The following CEP135 variants were observed in gnomAD, a reference collection of about 807,000 sequenced individuals.
CEP135 encodes the protein centrosomal protein of 135 kDa.
In CEP135, 142 loss-of-function variants were observed where a neutral mutation model predicts 157.3. The ratio of observed to expected loss-of-function variants is 0.90; its 90% CI spans 0.79 to 1.04. The LOEUF (loss-of-function observed/expected upper bound fraction) is 1.04, where lower values mean the gene tolerates loss of function less well. CEP135 is among the 50% of genes least tolerant of loss of function. The pLI, the probability that CEP135 is intolerant of heterozygous loss-of-function variation, is 0.00. For missense variants in CEP135, 1,317 were observed against 1,309.2 expected, an observed-to-expected ratio of 1.01 and a Z score of -0.09; for synonymous variants, 396 against 439.8, an observed-to-expected ratio of 0.90 and a Z score of 1.25.
intron 2 of CEP135, 122 bp downstream of exon 2, chr4:55,952,365 C>T: frequency 1.6e-6 from 1 of 636,272 alleles, no homozygotes; most frequent in Non-Finnish European, 2.8e-6. Flanking sequence ...AATCATGAAG[C>T]TTATCTGTTT....
chr4:55,957,159 A>AATATTTAAT, intron 4 of CEP135, 64 bp from the exon 5 acceptor site: 1 of 1,552,316 alleles, frequency 6.4e-7, no homozygotes, highest in Non-Finnish European at 8.8e-7. Context: ...GCTAACCTGG[A>AATATTTAAT]ATATTTAATT....
rs979439937 is a variant in CEP135 at position 55,985,280 on chromosome 4, G to C, written c.1780-1G>C. 1 of 1,525,796 alleles carries C rather than the reference G, an allele frequency of 6.6e-7. No homozygotes were observed. The highest frequency in any genetic ancestry group is 1.4e-5 in the African/African-American group (1 of 72,886). 94.5% of individuals were successfully genotyped at this position (1,525,796 alleles called of 1,614,324 possible). On this transcript the variant is annotated splice_acceptor_variant, in intron 13 of 25. Transcript: ENST00000257287. LOFTEE classifies it high-confidence loss of function. ...ACATTTTCTTTAACATTCTTTTTCA[G>C]CATATTGAAGAAGTGAGTCTTTTTG...
intron 6 of CEP135, among the ~76,000 whole-genome samples, chr4:55,962,515 C>CT (rs1011743430): frequency 6.6e-6 from 1 of 152,230 alleles, no homozygotes; most frequent in Non-Finnish European, 1.5e-5. Context: ...TCTCCACCTC[C>CT]TGCTCACTCC....
intron 14 of CEP135, among the ~76,000 whole-genome samples, chr4:55,987,339 T>C (rs1191235562): frequency 6.6e-6 from 1 of 152,132 alleles, no homozygotes; most frequent in Non-Finnish European, 1.5e-5. Flanking sequence ...ACTTAAAGGG[T>C]ACCCTTTATA....
intron 17 of CEP135, 91 bp from the exon 18 acceptor site, chr4:56,008,236 T>C (rs1320032505): frequency 1.2e-6 from 1 of 856,412 alleles, no homozygotes; most frequent in East Asian, 2.5e-5. Context: ...AATTGAGCTG[T>C]GTATTTGAAC....
At chr4:55,955,849 A>G (rs1728486105) in intron 4 of CEP135, among the ~76,000 whole-genome samples, 2 of 152,196 alleles carry the variant, frequency 1.3e-5, no homozygotes, top group East Asian at 3.8e-4. Context: ...AATTTTTGGC[A>G]AACAGTGGGA....
chr4:55,961,834 T>C (rs915717994), intron 6 of CEP135, among the ~76,000 whole-genome samples: 2 of 149,644 alleles, frequency 1.3e-5, no homozygotes, highest in Non-Finnish European at 3.0e-5. Context: ...CAACTTTCTA[T>C]CTCTACCTTT....
Position 55,965,618 on chromosome 4 carries a change from C to A in CEP135, c.829-26C>A, listed in dbSNP as rs374201582. 7.7e-5 allele frequency: 116 copies of A among 1,511,568 alleles called. No individual in the cohort carries two copies. The Middle Eastern group carries it at 1.1e-3, about 14-fold the overall frequency. 93.6% of individuals were successfully genotyped at this position (1,511,568 alleles called of 1,614,324 possible). On this transcript the variant is annotated intron_variant, in intron 7 of 25. Transcript: ENST00000257287. ...TTAGGATAATTTTCCAATTCATATA[C>A]CTCATAAATTACAACTCCAATTTAG...
At chr4:55,975,040 T>A in intron 11 of CEP135, 71 bp downstream of exon 11, 1 of 1,105,044 alleles carries the variant, frequency 9.0e-7, no homozygotes, top group Non-Finnish European at 1.3e-6. Context: ...ATTATTATAT[T>A]AAATGTAACT....
At chr4:55,963,205 A>G (rs910562523) in intron 6 of CEP135, among the ~76,000 whole-genome samples, 1 of 152,076 alleles carries the variant, frequency 6.6e-6, no homozygotes, top group Non-Finnish European at 1.5e-5. Flanking sequence ...TATTTTAGTT[A>G]TTAATTGTTT....
chr4:55,971,168 G>A (rs1433696971), intron 9 of CEP135, 102 bp from the exon 10 acceptor site: 2 of 806,704 alleles, frequency 2.5e-6, no homozygotes, highest in African/African-American at 1.8e-5. Flanking sequence ...ACACGTATAT[G>A]TAAATTGCTG....
intron 25 of CEP135, among the ~76,000 whole-genome samples, chr4:56,028,629 T>C (rs1340228117): frequency 6.6e-6 from 1 of 152,118 alleles, no homozygotes; most frequent in Non-Finnish European, 1.5e-5. Flanking sequence ...AAAAATGAAT[T>C]GCTCAACTAT....
At chr4:55,974,581 C>T (rs1480653717) in intron 10 of CEP135, among the ~76,000 whole-genome samples, 165 bp from the exon 11 acceptor site, 1 of 151,976 alleles carries the variant, frequency 6.6e-6, no homozygotes, top group Non-Finnish European at 1.5e-5. Context: ...CCCTTCTTTC[C>T]TCTCAATATT....
rs191813321 is a variant in CEP135 at position 56,024,527 on chromosome 4, G to A, written c.3347G>A (p.Arg1116Gln). The A allele has an allele frequency of 1.6e-5, 26 of 1,613,586 alleles. No homozygotes were observed. In the Admixed American group the frequency reaches 3.0e-4, roughly 19 times the overall value. Residue 1116 changes from arginine (R) to glutamine (Q), a missense_variant, in exon 25 of 26, where the codon CGA becomes CAA. Coordinates refer to ENST00000257287, the MANE Select transcript of CEP135 (RefSeq NM_025009.5). ...ERERAIQEMR[R>Q]HGLATPPLSS... is the part of the protein sequence containing the mutation. ...GAACGAGCAATCCAAGAGATGCGTC[G>A]ACATGGTCTTGCTACACCACCCCTT... is the stretch of plus-strand genomic sequence containing the variant.
chr4:55,964,324 TGGTC>T lies in CEP135; in HGVS notation c.755_758del (p.Arg252ProfsTer21). 6.2e-7 allele frequency: 1 copy of T among 1,613,590 alleles called. No individual in the cohort carries two copies. Among genetic ancestry groups the T allele is most frequent in the Non-Finnish European group, 8.5e-7 (1 of 1,179,710 alleles). ...AACGACTGTCAGTTGCTTTGGATGG[TGGTC>T]GGTCCCCTGATGTCCTTTCTCTGGA... On this transcript the variant is annotated frameshift_variant, in exon 7 of 26. Transcript: ENST00000257287. LOFTEE classifies it high-confidence loss of function.
intron 14 of CEP135, among the ~76,000 whole-genome samples, chr4:55,988,646 CA>C (rs1729680558): frequency 6.8e-6 from 1 of 148,008 alleles, no homozygotes; most frequent in South Asian, 2.1e-4. Flanking sequence ...GGTGACAGAG[CA>C]AGACTCCGTC....
rs747458952 is a variant in CEP135 at position 55,953,286 on chromosome 4, A to AT, written c.304+14dup. 2 of 1,479,462 alleles carry AT rather than the reference A, an allele frequency of 1.4e-6. No individual in the cohort carries two copies. Among genetic ancestry groups the AT allele is most frequent in the Non-Finnish European group, 1.8e-6 (2 of 1,113,028 alleles). The allele number at this position is 1,479,462 out of a possible 1,614,324, so 91.6% of individuals were successfully genotyped here. On this transcript the variant is annotated intron_variant, in intron 3 of 25. Coordinates refer to ENST00000257287, the MANE Select transcript of CEP135 (RefSeq NM_025009.5). ...ACCAACACGTTAAAGGTAAGTGAAAATTTGATAATTTTTAAAATGCAATGT... is the reference window on the plus strand; with the variant it reads ...ACCAACACGTTAAAGGTAAGTGAAAATTTTGATAATTTTTAAAATGCAATGT...
intron 15 of CEP135, among the ~76,000 whole-genome samples, chr4:55,996,714 C>CTT (rs750105795): frequency 1.4e-5 from 2 of 143,896 alleles, no homozygotes; most frequent in African/African-American, 2.5e-5. Flanking sequence ...CAGTCTCCGT[C>CTT]TTTTTTTTTT....
chr4:56,017,711 T>A lies in CEP135; in HGVS notation c.2866T>A (p.Leu956Ile), dbSNP rs1730824649. ...ATCAATGGCAAAAGCCATGTCTCGA[T>A]TAGAAGAAGAGCTGAGACATCAAGA... ...ISSMAKAMSR[L>I]EEELRHQEDE... The change falls in exon 22 of 26, where the codon TTA becomes ATA. Residue 956 changes from leucine (L) to isoleucine (I), a missense_variant. Leu to Ile is a conservative substitution (Grantham distance 5, BLOSUM62 2). Transcript: ENST00000257287. 1 of 1,613,914 alleles carries A rather than the reference T, an allele frequency of 6.2e-7. No individual in the cohort carries two copies. Among genetic ancestry groups the A allele is most frequent in the Non-Finnish European group, 8.5e-7 (1 of 1,179,962 alleles).
Sources: gnomAD v4.1 joint callset for allele counts (sites outside exome capture counted in the v4.1 genomes callset) on GRCh38, gnomAD v4.1.1 for gene constraint, MANE v1.5 for transcripts, NCBI Gene and HGNC (gene_info 2026-07-23, HGNC 2026-07-21) for gene names.